The following CHCHD6 variants were observed in gnomAD, a reference collection of about 807,000 sequenced individuals.
The protein encoded by CHCHD6 is coiled-coil-helix-coiled-coil-helix domain containing 6, also known as MICOS complex subunit MIC25.
Under a neutral mutation model 32.3 loss-of-function variants are expected in CHCHD6, and 28 were observed. That is an observed-to-expected ratio of 0.87 (90% CI 0.64 to 1.19). The LOEUF is 1.19. Ranked by LOEUF, CHCHD6 falls within the 50% of genes most tolerant of loss-of-function variation. The pLI, the probability that CHCHD6 is intolerant of heterozygous loss-of-function variation, is 0.00. For synonymous variants in CHCHD6, 122 were observed against 117.5 expected (o/e 1.04, Z -0.25); for missense variants, 333 against 307.0 (o/e 1.08, Z -0.63).
At chr3:126,828,650 G>A (rs575329746) in intron 4 of CHCHD6, among the ~76,000 whole-genome samples, 2 of 152,262 alleles carry the variant, frequency 1.3e-5, no homozygotes, top group South Asian at 4.2e-4. Context: ...GTGATCTTTG[G>A]TGAAGGAGGA....
chr3:126,790,291 G>A (rs1277330760), intron 4 of CHCHD6, among the ~76,000 whole-genome samples: 1 of 152,188 alleles, frequency 6.6e-6, no homozygotes, highest in East Asian at 1.9e-4. Flanking sequence ...GAATCTGACA[G>A]TTATGTGTCT....
chr3:126,936,299 G>A (rs2078479621), intron 6 of CHCHD6, among the ~76,000 whole-genome samples: 1 of 152,208 alleles, frequency 6.6e-6, no homozygotes, highest in African/African-American at 2.4e-5. Context: ...AGGATAATAT[G>A]AGATCATGTT....
chr3:126,918,090 T>A (rs1306406244), intron 6 of CHCHD6, among the ~76,000 whole-genome samples: 1 of 152,228 alleles, frequency 6.6e-6, no homozygotes, highest in African/African-American at 2.4e-5. Context: ...AAATTGAGCT[T>A]ATAAAAACAC....
intron 5 of CHCHD6, among the ~76,000 whole-genome samples, chr3:126,912,994 C>T (rs2078114768): frequency 6.6e-6 from 1 of 152,052 alleles, no homozygotes; most frequent in Non-Finnish European, 1.5e-5. Context: ...CGTGTCTGCC[C>T]AGCTTCAGCC....
chr3:126,724,702 C>T (rs750561956), intron 1 of CHCHD6, among the ~76,000 whole-genome samples: 7 of 152,172 alleles, frequency 4.6e-5, no homozygotes, highest in Admixed American at 1.3e-4. Context: ...CTTTCAAGAT[C>T]GGAGTCAGTT....
intron 6 of CHCHD6, among the ~76,000 whole-genome samples, chr3:126,939,192 G>A (rs1408462205): frequency 6.6e-6 from 1 of 152,144 alleles, no homozygotes; most frequent in Non-Finnish European, 1.5e-5. Flanking sequence ...GGTGTGGCGA[G>A]GGAACACAGC....
chr3:126,878,202 T>G (rs1156631041), intron 5 of CHCHD6, among the ~76,000 whole-genome samples: 1 of 152,234 alleles, frequency 6.6e-6, no homozygotes, highest in Non-Finnish European at 1.5e-5. Context: ...AGTCTATTTT[T>G]CCCAGCTTTG....
chr3:126,822,957 G>A (rs113139643), intron 4 of CHCHD6, among the ~76,000 whole-genome samples: 1,892 of 152,152 alleles, frequency 0.012, 42 homozygotes, highest in African/African-American at 0.041. Flanking sequence ...CCAGGCTGGA[G>A]TGCGGTGGCA....
intron 4 of CHCHD6, among the ~76,000 whole-genome samples, chr3:126,835,282 G>T (rs931964496): frequency 6.6e-6 from 1 of 152,198 alleles, no homozygotes; most frequent in African/African-American, 2.4e-5. Context: ...ACACAGCCCC[G>T]ATCCCTCCAG....
intron 2 of CHCHD6, among the ~76,000 whole-genome samples, chr3:126,728,210 A>G (rs1935627363): frequency 6.6e-6 from 1 of 152,208 alleles, no homozygotes; most frequent in Admixed American, 6.5e-5. Context: ...GCCAAGACAC[A>G]GTGATAGGTG....
At chr3:126,708,703 A>T (rs1250357632) in intron 1 of CHCHD6, among the ~76,000 whole-genome samples, 1 of 152,024 alleles carries the variant, frequency 6.6e-6, no homozygotes, top group Admixed American at 6.6e-5. Flanking sequence ...ATATTATAAA[A>T]TTCACCCATT....
chr3:126,927,168 G>T (rs2078335890), intron 6 of CHCHD6, among the ~76,000 whole-genome samples: 1 of 152,158 alleles, frequency 6.6e-6, no homozygotes, highest in African/African-American at 2.4e-5. Context: ...AGGAGAGCTG[G>T]GCCCTGAGGG....
At chr3:126,856,122 T>C (rs1941658659) in intron 5 of CHCHD6, among the ~76,000 whole-genome samples, 1 of 151,820 alleles carries the variant, frequency 6.6e-6, no homozygotes, top group African/African-American at 2.4e-5. Flanking sequence ...GCTGATGAGC[T>C]AAAAAACAAA....
intron 4 of CHCHD6, among the ~76,000 whole-genome samples, chr3:126,747,344 C>T (rs1037230477): frequency 2.6e-5 from 4 of 152,148 alleles, no homozygotes; most frequent in African/African-American, 9.7e-5. Flanking sequence ...GGGATATCTC[C>T]ATACACGTTC....
At chr3:126,858,491 C>T (rs889834775) in intron 5 of CHCHD6, among the ~76,000 whole-genome samples, 7 of 152,200 alleles carry the variant, frequency 4.6e-5, no homozygotes, top group Non-Finnish European at 7.3e-5. Flanking sequence ...TGCTGCCCCT[C>T]GCTGCCAGGC....
chr3:126,794,691 C>T lies in CHCHD6; in HGVS notation c.412-57956C>T, dbSNP rs571426803. ...GCAAAATAATTTTAACTTGGTACTT[C>T]GAAAATATTCTCCTACTGTCTTCTG... is the stretch of plus-strand genomic sequence containing the variant. On this transcript the variant is annotated intron_variant, in intron 4 of 7. Coordinates refer to ENST00000290913, the MANE Select transcript of CHCHD6 (RefSeq NM_032343.3). Among the ~76,000 whole-genome samples the T allele has an allele frequency of 3.2e-4, 48 of 152,116 alleles. No homozygotes were observed. In the South Asian group the frequency reaches 7.5e-3, roughly 24 times the overall value.
intron 4 of CHCHD6, among the ~76,000 whole-genome samples, chr3:126,810,678 G>A (rs184506955): frequency 6.6e-6 from 1 of 152,208 alleles, no homozygotes; most frequent in Non-Finnish European, 1.5e-5. Flanking sequence ...AATAGAAGAT[G>A]TTAACATTAG....
chr3:126,728,678 A>AG (rs2107657465), intron 2 of CHCHD6, among the ~76,000 whole-genome samples: 1 of 152,326 alleles, frequency 6.6e-6, no homozygotes, highest in East Asian at 1.9e-4. Flanking sequence ...AAAGAGGGAG[A>AG]AAGTGATGAT....
intron 1 of CHCHD6, among the ~76,000 whole-genome samples, chr3:126,709,191 A>G (rs893817052): frequency 3.9e-5 from 6 of 152,184 alleles, no homozygotes; most frequent in African/African-American, 1.4e-4. Context: ...CTTTGGACCC[A>G]TGGATACGGA....
Sources: gnomAD v4.1 joint callset for allele counts (sites outside exome capture counted in the v4.1 genomes callset) on GRCh38, gnomAD v4.1.1 for gene constraint, MANE v1.5 for transcripts, NCBI Gene and HGNC (gene_info 2026-07-23, HGNC 2026-07-21) for gene names.